Variants in ELL observed in about 807,000 individuals in gnomAD.
The protein encoded by ELL is elongation factor for RNA polymerase II.
A neutral mutation model predicts 64.0 loss-of-function variants in ELL; 18 were observed. The ratio of observed to expected loss-of-function variants is 0.28; its 90% CI spans 0.19 to 0.42. ELL has a LOEUF of 0.42. ELL is among the 10% of genes least tolerant of loss of function. The probability of loss-of-function intolerance (pLI) is 1.00; values close to 1 mark genes in which losing one functional copy is unlikely to be tolerated. For synonymous variants in ELL, 399 were observed against 376.2 expected, an observed-to-expected ratio of 1.06 and a Z score of -0.70; for missense variants, 797 against 870.4, an observed-to-expected ratio of 0.92 and a Z score of 1.06.
At chr19:18,464,112 T>C (rs1277022127) in intron 4 of ELL, among the ~76,000 whole-genome samples, 1 of 152,230 alleles carries the variant, frequency 6.6e-6, no homozygotes, top group African/African-American at 2.4e-5. Context: ...CTCATGCCTG[T>C]AATCCCAGCA....
Position 18,521,974 on chromosome 19 carries a change from C to G in ELL, c.82G>C (p.Val28Leu). Reference sequence around the variant, plus strand: ...CTCAGGGCACTGTCGGTGAGCTTCACGTGGAACACCGACACCTTGCTGCCG... The same window carrying G: ...CTCAGGGCACTGTCGGTGAGCTTCAGGTGGAACACCGACACCTTGCTGCCG... The part of the protein sequence containing the change: ...SDGSKVSVFH[V>L]KLTDSALRAF... Residue 28 changes from valine to leucine, a missense_variant, in exon 1 of 12, where the codon GTG becomes CTG. Val to Leu is a conservative substitution (Grantham distance 32, BLOSUM62 1). Transcript: ENST00000262809. The G allele has an allele frequency of 6.2e-7, 1 of 1,611,284 alleles. No homozygotes were observed. Among genetic ancestry groups the G allele is most frequent in the South Asian group, 1.1e-5 (1 of 90,850 alleles).
intron 2 of ELL, among the ~76,000 whole-genome samples, chr19:18,471,646 T>A (rs574776351): frequency 2.6e-5 from 4 of 152,324 alleles, no homozygotes; most frequent in Non-Finnish European, 5.9e-5. Flanking sequence ...CCAGCCTAGA[T>A]GCAGGGGAAC....
intron 1 of ELL, among the ~76,000 whole-genome samples, chr19:18,474,971 A>C (rs1345985940): frequency 1.3e-5 from 2 of 152,174 alleles, no homozygotes; most frequent in Non-Finnish European, 2.9e-5. Context: ...TAAAAATACA[A>C]AAATTAGCTG....
chr19:18,455,118 G>C (rs945596517), intron 6 of ELL, among the ~76,000 whole-genome samples: 4 of 148,526 alleles, frequency 2.7e-5, no homozygotes, highest in African/African-American at 1.0e-4. Flanking sequence ...TCCAGGTTGG[G>C]CGATAGGGTG....
At position 18,444,836 on chromosome 19, in the gene ELL, G is replaced by T; in HGVS notation, c.1782C>A (p.Arg594=). 1 of 1,612,212 alleles carries T rather than the reference G, an allele frequency of 6.2e-7. No homozygotes were observed. The highest frequency in any genetic ancestry group is 1.3e-5 in the African/African-American group (1 of 75,062). Residue 594 remains arginine, a synonymous_variant, in exon 12 of 12, where the codon CGC becomes CGA. Coordinates refer to ENST00000262809, the MANE Select transcript of ELL (RefSeq NM_006532.4). ...TNTNYSQEKH[R]CEYLHSKLAH... is the part of the protein sequence containing the mutation. ...CCAGCTTGCTGTGCAGGTACTCGCA[G>T]CGGTGCTTCTCCTGGCTGTAGTTGG...
chr19:18,452,725 C>CA (rs1174494467), intron 6 of ELL, among the ~76,000 whole-genome samples: 1 of 152,166 alleles, frequency 6.6e-6, no homozygotes, highest in Non-Finnish European at 1.5e-5. Context: ...CAAAGAGGCT[C>CA]GGGCCACTCC....
chr19:18,445,648 G>A (rs1022196554), intron 10 of ELL, among the ~76,000 whole-genome samples: 5 of 152,108 alleles, frequency 3.3e-5, no homozygotes, highest in African/African-American at 1.2e-4. Flanking sequence ...ATGAGTCGTC[G>A]TCTTTGGAAG....
At chr19:18,497,871 G>T (rs893081928) in intron 1 of ELL, among the ~76,000 whole-genome samples, 2 of 147,216 alleles carry the variant, frequency 1.4e-5, no homozygotes, top group Non-Finnish European at 3.0e-5. Context: ...GCTCATGCCT[G>T]TAATTCCAGC....
chr19:18,456,609 AG>A (rs1974681268), intron 6 of ELL, among the ~76,000 whole-genome samples: 1 of 152,310 alleles, frequency 6.6e-6, no homozygotes, highest in African/African-American at 2.4e-5. Flanking sequence ...TGGCTTGGGC[AG>A]AGGAATCAGG....
At position 18,487,840 on chromosome 19, in the gene ELL, C is replaced by T. The variant is rs929195767; in HGVS notation, c.136-14958G>A. ...CCAGAAAAACAAAGTAGAGCCTTCCCGGTACAATCTGTACTTTCAGAATCC... is the reference window on the plus strand; with the variant it reads ...CCAGAAAAACAAAGTAGAGCCTTCCTGGTACAATCTGTACTTTCAGAATCC... On this transcript the variant is annotated intron_variant, in intron 1 of 11. Transcript: ENST00000262809. Among the ~76,000 whole-genome samples, 4 of 152,214 alleles carry T rather than the reference C, an allele frequency of 2.6e-5. No individual in the cohort carries two copies. The South Asian group carries it at 6.2e-4, about 24-fold the overall frequency.
intron 1 of ELL, among the ~76,000 whole-genome samples, chr19:18,484,568 C>T (rs112306593): frequency 0.017 from 2,647 of 152,098 alleles, 34 homozygotes; most frequent in African/African-American, 0.042. Flanking sequence ...TAAGCACAGG[C>T]GATCGAGGCT....
At chr19:18,452,729 C>T (rs1354683486) in intron 6 of ELL, among the ~76,000 whole-genome samples, 1 of 152,178 alleles carries the variant, frequency 6.6e-6, no homozygotes, top group African/African-American at 2.4e-5. Context: ...GAGGCTCGGG[C>T]CACTCCTCCA....
intron 2 of ELL, among the ~76,000 whole-genome samples, chr19:18,471,968 CTTTTTTTTTTT>C (rs1975073334): frequency 6.8e-6 from 1 of 146,428 alleles, no homozygotes; most frequent in Non-Finnish European, 1.5e-5. Context: ...TTTTCTTTTT[CTTTTTTTTTTT>C]GAGACAGAGT....
chr19:18,453,971 A>G (rs1463744730), intron 6 of ELL, among the ~76,000 whole-genome samples: 1 of 152,250 alleles, frequency 6.6e-6, no homozygotes, highest in African/African-American at 2.4e-5. Flanking sequence ...GCAAATCAAT[A>G]GAGACAGAAA....
In ELL at chr19:18,461,813, G is replaced by T; in HGVS notation, c.509C>A (p.Thr170Lys). 3 of 1,614,004 alleles carry T rather than the reference G, an allele frequency of 1.9e-6. No individual in the cohort carries two copies. In the South Asian group the frequency reaches 3.3e-5, roughly 18 times the overall value. ...CCGCTTCCGGGAGGGCACCGCGTCT[G>T]TTGCACCTGGGGCTGGTTTCCGAAA... is the stretch of plus-strand genomic sequence containing the variant. ...VQFRKPAPGA[T>K]DAVPSRKRAT... The change falls in exon 5 of 12, where the codon ACA becomes AAA. Residue 170 changes from threonine to lysine, a missense_variant. By Grantham distance (78) the Thr-to-Lys change is moderately conservative. Transcript: ENST00000262809.
At chr19:18,475,113 G>T (rs1017005547) in intron 1 of ELL, among the ~76,000 whole-genome samples, 2 of 152,138 alleles carry the variant, frequency 1.3e-5, no homozygotes, top group African/African-American at 4.8e-5. Flanking sequence ...AACAGAGTGA[G>T]ATCCTGTCTC....
At chr19:18,445,022 C>T (rs1365615415) in intron 11 of ELL, among the ~76,000 whole-genome samples, 154 bp from the exon 12 acceptor site, 2 of 152,236 alleles carry the variant, frequency 1.3e-5, no homozygotes, top group East Asian at 1.9e-4. Flanking sequence ...TGGTCCCCCG[C>T]ACCTCCACAG....
At position 18,444,708 on chromosome 19, in the gene ELL, T is replaced by C; in HGVS notation, c.*44A>G. ...TAAATAAATCCTCTCTCACCGCCTT[T>C]TGCTCCCCCGACCCTCCCAGATCCC... On this transcript the variant is annotated 3_prime_UTR_variant, in exon 12 of 12. Coordinates refer to ENST00000262809, the MANE Select transcript of ELL (RefSeq NM_006532.4). 3 of 1,534,204 alleles carry C rather than the reference T, an allele frequency of 2.0e-6. No individual in the cohort carries two copies. Among genetic ancestry groups the C allele is most frequent in the Non-Finnish European group, 1.8e-6 (2 of 1,137,712 alleles).
intron 1 of ELL, among the ~76,000 whole-genome samples, chr19:18,504,722 G>A (rs1975847537): frequency 1.3e-5 from 2 of 152,202 alleles, no homozygotes; most frequent in South Asian, 4.1e-4. Context: ...GCCCGAGAGT[G>A]ACACTGGCAC....
Sources: allele counts gnomAD v4.1 joint callset (sites outside exome capture counted in the v4.1 genomes callset), GRCh38; gene constraint gnomAD v4.1.1; transcripts MANE v1.5; gene names NCBI Gene and HGNC (gene_info 2026-07-23, HGNC 2026-07-21).